Variants in FMN1 observed in about 807,000 individuals in gnomAD.
FMN1 encodes formin-1.
FMN1 carries 110 observed loss-of-function variants against 132.4 expected under a neutral mutation model. That is an observed-to-expected ratio of 0.83 (90% CI 0.71 to 0.97). The LOEUF is 0.97. Ranked by LOEUF, FMN1 falls within the 50% of genes least tolerant of loss-of-function variation. The probability of loss-of-function intolerance (pLI) is 0.00; values close to 1 mark genes in which losing one functional copy is unlikely to be tolerated. For synonymous variants in FMN1, 722 were observed against 651.7 expected, an observed-to-expected ratio of 1.11 and a Z score of -1.64; for missense variants, 1,792 against 1,705.3, an observed-to-expected ratio of 1.05 and a Z score of -0.90.
At chr15:33,086,595 AAAAG>A (rs10552049) in intron 5 of FMN1, among the ~76,000 whole-genome samples, 45,217 of 151,910 alleles carry the variant, frequency 0.3, 7,417 homozygotes, top group Admixed American at 0.37. Context: ...ACACAGAAGA[AAAAG>A]AAAGTAGCTT....
At chr15:32,843,551 C>CTT (rs914716375) in intron 17 of FMN1, among the ~76,000 whole-genome samples, 5 of 152,166 alleles carry the variant, frequency 3.3e-5, no homozygotes, top group Non-Finnish European at 7.4e-5. Context: ...TTCAAATAGA[C>CTT]TTTTTAGTGG....
chr15:32,902,110 A>G, intron 12 of FMN1, 70 bp from the exon 13 acceptor site: 2 of 1,406,226 alleles, frequency 1.4e-6, no homozygotes, highest in Non-Finnish European at 2.0e-6. Flanking sequence ...CAGCTGAAAA[A>G]GACCCACTTT....
chr15:33,020,320 GACCCCCCCA>G (rs1367914726), intron 6 of FMN1, among the ~76,000 whole-genome samples: 2 of 151,654 alleles, frequency 1.3e-5, no homozygotes. Flanking sequence ...TTGGGAAACC[GACCCCCCCA>G]ACCCCCCCAC....
intron 6 of FMN1, among the ~76,000 whole-genome samples, chr15:33,033,256 TC>T (rs2036029449): frequency 6.6e-6 from 1 of 152,158 alleles, no homozygotes. Context: ...AGTCTTGATC[TC>T]CTGACCTTGT....
rs1232386724 is a variant in FMN1, at chr15:32,772,241, A to G, written c.*2069T>C. On this transcript the variant is annotated 3_prime_UTR_variant, in exon 21 of 21. Transcript: ENST00000616417. ...GTGGCAGCCCTGCTTACCTTCACTG[A>G]TTTCTCGTAAGCATCCTACTTACAG... The G allele has an allele frequency of 6.6e-6, 1 of 152,230 alleles. No individual in the cohort carries two copies. Among genetic ancestry groups the G allele is most frequent in the Admixed American group, 6.5e-5 (1 of 15,290 alleles). 9.4% of individuals were successfully genotyped at this position (152,230 alleles called of 1,614,324 possible).
intron 7 of FMN1, among the ~76,000 whole-genome samples, chr15:32,994,849 C>T (rs1371817665): frequency 6.6e-6 from 1 of 152,178 alleles, no homozygotes; most frequent in Non-Finnish European, 1.5e-5. Context: ...TCTGTAAGTA[C>T]ATTAAGCACT....
At chr15:33,162,165 A>G (rs1040858925) in intron 3 of FMN1, among the ~76,000 whole-genome samples, 11 of 152,012 alleles carry the variant, frequency 7.2e-5, no homozygotes, top group African/African-American at 2.7e-4. Context: ...GGTACATGCC[A>G]TCATGCCCAG....
chr15:33,124,192 T>C (rs1238210163), intron 4 of FMN1, among the ~76,000 whole-genome samples: 3 of 152,116 alleles, frequency 2.0e-5, no homozygotes, highest in Non-Finnish European at 2.9e-5. Flanking sequence ...GGGTGAGACG[T>C]GGCTTTTCAA....
intron 4 of FMN1, among the ~76,000 whole-genome samples, chr15:33,089,813 T>C (rs55673088): frequency 0.073 from 11,045 of 152,284 alleles, 579 homozygotes; most frequent in Non-Finnish European, 0.11. Flanking sequence ...CCTGACATTC[T>C]ATTCTTAAGA....
intron 17 of FMN1, among the ~76,000 whole-genome samples, chr15:32,824,770 T>C (rs749603869): frequency 9.2e-5 from 14 of 152,198 alleles, no homozygotes; most frequent in Non-Finnish European, 1.6e-4. Context: ...CTCTGTTTTA[T>C]AATTAGCTAT....
At position 32,773,857 on chromosome 15, in the gene FMN1, A is replaced by G. The variant is rs910963738; in HGVS notation, c.*453T>C. ...GCAGGATTTTGCTGCAACAGGATCA[A>G]AACTAAGACCAATAATCAAAACAGC... On this transcript the variant is annotated 3_prime_UTR_variant, in exon 21 of 21. Transcript: ENST00000616417. 6.0e-6 allele frequency: 1 copy of G among 167,646 alleles called. No individual in the cohort carries two copies. Among genetic ancestry groups the G allele is most frequent in the African/African-American group, 2.4e-5 (1 of 41,590 alleles). The allele number at this position is 167,646 out of a possible 1,614,324, so 10.4% of individuals were successfully genotyped here. A position where few individuals can be genotyped will look rare whatever the true frequency, so the allele number is the denominator to read the frequency against.
intron 3 of FMN1, among the ~76,000 whole-genome samples, chr15:33,166,807 T>C (rs1323725960): frequency 1.3e-5 from 2 of 152,140 alleles, no homozygotes; most frequent in Admixed American, 6.5e-5. Context: ...CCAGTGACCA[T>C]ATATATAGAC....
intron 5 of FMN1, among the ~76,000 whole-genome samples, chr15:33,068,875 A>G (rs913769501): frequency 6.6e-6 from 1 of 151,686 alleles, no homozygotes; most frequent in Non-Finnish European, 1.5e-5. Flanking sequence ...TACCCTCTAC[A>G]CTCCCTGTGC....
At position 32,786,849 on chromosome 15, in the gene FMN1, G is replaced by C. The variant is rs370896619; in HGVS notation, c.4131-9930C>G. Among the ~76,000 whole-genome samples the C allele has an allele frequency of 2.6e-5, 4 of 152,180 alleles. No homozygotes were observed. The East Asian group carries it at 5.8e-4, about 22-fold the overall frequency. Reference sequence around the variant, plus strand: ...TGGTGGCCTGAACATCAGAAGTAAGGCTCTGTCCACTCTATATAGTTTGTT... The same window carrying C: ...TGGTGGCCTGAACATCAGAAGTAAGCCTCTGTCCACTCTATATAGTTTGTT... On this transcript the variant is annotated intron_variant, in intron 19 of 20. Transcript: ENST00000616417.
intron 9 of FMN1, among the ~76,000 whole-genome samples, chr15:32,949,638 G>A (rs2061581269): frequency 6.6e-6 from 1 of 151,838 alleles, no homozygotes. Context: ...TCAGGACACA[G>A]GCACAGGCAA....
intron 4 of FMN1, among the ~76,000 whole-genome samples, chr15:33,126,481 A>C (rs77371618): frequency 0.014 from 2,180 of 152,236 alleles, 54 homozygotes; most frequent in African/African-American, 0.05. Flanking sequence ...AAATTTTTTC[A>C]AGACAGACCA....
chr15:32,955,321 GACTATCACA>G (rs2061740628), intron 9 of FMN1, among the ~76,000 whole-genome samples: 2 of 152,180 alleles, frequency 1.3e-5, no homozygotes, highest in Non-Finnish European at 2.9e-5. Context: ...GGGCTGTTCT[GACTATCACA>G]TACATGGGAG....
At chr15:32,847,733 T>C (rs2141245743) in intron 17 of FMN1, among the ~76,000 whole-genome samples, 1 of 152,244 alleles carries the variant, frequency 6.6e-6, no homozygotes, top group South Asian at 2.1e-4. Flanking sequence ...CGGGCACCTG[T>C]AGTCCCAGCT....
intron 16 of FMN1, among the ~76,000 whole-genome samples, chr15:32,887,601 G>C (rs748888695): frequency 6.6e-6 from 1 of 152,110 alleles, no homozygotes; most frequent in Non-Finnish European, 1.5e-5. Flanking sequence ...AAACATACAG[G>C]AACATGTGTG....
Sources: allele counts gnomAD v4.1 joint callset (sites outside exome capture counted in the v4.1 genomes callset), GRCh38; gene constraint gnomAD v4.1.1; transcripts MANE v1.5; gene names NCBI Gene and HGNC (gene_info 2026-07-23, HGNC 2026-07-21).